The following ANKRD44 variants were observed in gnomAD, a reference collection of about 807,000 sequenced individuals.
The protein encoded by ANKRD44 is serine/threonine-protein phosphatase 6 regulatory ankyrin repeat subunit B.
Under a neutral mutation model 116.0 loss-of-function variants are expected in ANKRD44, and 35 were observed. The ratio of observed to expected loss-of-function variants is 0.30; its 90% CI spans 0.23 to 0.40. The LOEUF is 0.40. Among genes scored for constraint, ANKRD44 ranks in the 10% least tolerant of loss-of-function variants. The pLI, the probability that ANKRD44 is intolerant of heterozygous loss-of-function variation, is 1.00. For missense variants in ANKRD44, 1,014 were observed against 1,242.6 expected (o/e 0.82, Z 2.77); for synonymous variants, 435 against 461.8 (o/e 0.94, Z 0.74).
intron 1 of ANKRD44, among the ~76,000 whole-genome samples, chr2:197,187,908 C>T (rs1211714256): frequency 6.6e-6 from 1 of 151,918 alleles, no homozygotes; most frequent in African/African-American, 2.4e-5. Flanking sequence ...AAGACAGTTC[C>T]CTATGATTCC....
At chr2:197,120,031 C>T (rs955221471) in intron 8 of ANKRD44, among the ~76,000 whole-genome samples, 12 of 152,184 alleles carry the variant, frequency 7.9e-5, no homozygotes, top group African/African-American at 2.9e-4. Context: ...AACTCAACTA[C>T]ATTAATCTTC....
chr2:197,099,560 G>T (rs968651447), intron 10 of ANKRD44: 18 of 1,178,520 alleles, frequency 1.5e-5, no homozygotes, highest in Non-Finnish European at 1.9e-5. Flanking sequence ...GAAAAGTTAC[G>T]AATAAAGTTC....
Position 196,989,064 on chromosome 2 carries a change from A to G in ANKRD44, c.*527T>C. 1 of 985,366 alleles carries G rather than the reference A, an allele frequency of 1.0e-6. No homozygotes were observed. Among genetic ancestry groups the G allele is most frequent in the Non-Finnish European group, 1.2e-6 (1 of 829,970 alleles). 61.0% of individuals were successfully genotyped at this position (985,366 alleles called of 1,614,324 possible). On this transcript the variant is annotated 3_prime_UTR_variant, in exon 28 of 28. Coordinates refer to ENST00000282272, the MANE Select transcript of ANKRD44 (RefSeq NM_001195144.2). ...GGAAGAACCTGAGGGTCATCTGGAAACCTTAGCAGTGGAAATGCTAGGTTT... is the reference window on the plus strand; with the variant it reads ...GGAAGAACCTGAGGGTCATCTGGAAGCCTTAGCAGTGGAAATGCTAGGTTT...
At chr2:197,217,151 T>C (rs992524587) in intron 1 of ANKRD44, among the ~76,000 whole-genome samples, 6 of 152,290 alleles carry the variant, frequency 3.9e-5, no homozygotes, top group African/African-American at 1.4e-4. Flanking sequence ...TTTTTCATGG[T>C]CCAATGATCT....
intron 25 of ANKRD44, 131 bp from the exon 26 acceptor site, chr2:196,995,592 G>T: frequency 1.6e-6 from 1 of 633,476 alleles, no homozygotes; most frequent in South Asian, 2.4e-5. Flanking sequence ...GCTATTTTCT[G>T]AGTAATTTTT....
At chr2:197,043,753 A>T (rs944938182) in intron 16 of ANKRD44, among the ~76,000 whole-genome samples, 1 of 151,986 alleles carries the variant, frequency 6.6e-6, no homozygotes, top group Non-Finnish European at 1.5e-5. Context: ...GGTTGTCAAA[A>T]CTGGACCCTG....
At chr2:197,007,999 C>CTT (rs2076230988) in intron 19 of ANKRD44, 76 bp from the exon 20 acceptor site, 2 of 641,358 alleles carry the variant, frequency 3.1e-6, no homozygotes, top group East Asian at 6.7e-5. Context: ...GGAAGACATT[C>CTT]TCTTTCTCCC....
intron 26 of ANKRD44, among the ~76,000 whole-genome samples, chr2:196,994,154 C>T (rs1454132224): frequency 6.6e-6 from 1 of 152,122 alleles, no homozygotes; most frequent in Non-Finnish European, 1.5e-5. Flanking sequence ...ATGTCAAACT[C>T]AGTATATTGT....
chr2:197,016,874 C>T, intron 17 of ANKRD44, among the ~76,000 whole-genome samples: 1 of 151,966 alleles, frequency 6.6e-6, no homozygotes, highest in East Asian at 1.9e-4. Context: ...AGGCTCAGCA[C>T]AGACAAAAGA....
At chr2:197,168,993 T>C in intron 2 of ANKRD44, among the ~76,000 whole-genome samples, 1 of 152,156 alleles carries the variant, frequency 6.6e-6, no homozygotes, top group East Asian at 1.9e-4. Context: ...TCCAAAATAT[T>C]CTCCAGAACA....
At chr2:197,263,235 G>A in intron 1 of ANKRD44, 1 of 531,204 alleles carries the variant, frequency 1.9e-6, no homozygotes, top group Non-Finnish European at 3.5e-6. Flanking sequence ...GAGAACCTCA[G>A]CAGCTTGGTA....
chr2:197,037,108 G>A (rs2076822176), intron 16 of ANKRD44, among the ~76,000 whole-genome samples: 1 of 152,196 alleles, frequency 6.6e-6, no homozygotes, highest in Admixed American at 6.5e-5. Context: ...TATGGATAAG[G>A]AAACCTGAAG....
intron 10 of ANKRD44, among the ~76,000 whole-genome samples, chr2:197,098,940 G>T (rs757915435): frequency 6.6e-6 from 1 of 152,134 alleles, no homozygotes; most frequent in African/African-American, 2.4e-5. Flanking sequence ...CCCCTCGGTG[G>T]TGCACAGCAT....
intron 16 of ANKRD44, among the ~76,000 whole-genome samples, chr2:197,032,537 C>T (rs1190224397): frequency 2.0e-5 from 3 of 151,980 alleles, no homozygotes; most frequent in South Asian, 2.1e-4. Context: ...TACAGGCACC[C>T]GCCACCACGC....
chr2:197,065,243 C>A (rs11895908), intron 16 of ANKRD44, among the ~76,000 whole-genome samples: 10 of 152,168 alleles, frequency 6.6e-5, no homozygotes, highest in African/African-American at 2.2e-4. Context: ...TAAAGATGTT[C>A]TTTGAAACCA....
At chr2:197,180,459 T>A (rs2080476058) in intron 2 of ANKRD44, among the ~76,000 whole-genome samples, 1 of 152,196 alleles carries the variant, frequency 6.6e-6, no homozygotes, top group African/African-American at 2.4e-5. Context: ...TGCACTTCTA[T>A]CATTTATGGG....
At chr2:197,083,066 G>A (rs532862593) in intron 14 of ANKRD44, among the ~76,000 whole-genome samples, 20 of 152,320 alleles carry the variant, frequency 1.3e-4, no homozygotes, top group African/African-American at 4.6e-4. Flanking sequence ...AAGTGGTGAC[G>A]ATGAAAACTA....
intron 1 of ANKRD44, among the ~76,000 whole-genome samples, chr2:197,269,882 G>A (rs1377803803): frequency 6.6e-6 from 1 of 152,198 alleles, no homozygotes; most frequent in Non-Finnish European, 1.5e-5. Flanking sequence ...GAAGACTGAG[G>A]AGAGACATCT....
chr2:197,246,773 A>G lies in ANKRD44; in HGVS notation c.28-59667T>C, dbSNP rs148347011. Among the ~76,000 whole-genome samples the G allele has an allele frequency of 6.2e-3, 944 of 152,138 alleles. 22 individuals are homozygous for G. The highest frequency in any genetic ancestry group is 0.042 in the Admixed American group (644 of 15,286). ...ATTCCCTCATTTCATCCTCACTATA[A>G]CACTATGAGGTACGTACAATATTAT... On this transcript the variant is annotated intron_variant, in intron 1 of 27. Transcript: ENST00000282272.
Sources: gnomAD v4.1 joint callset for allele counts (sites outside exome capture counted in the v4.1 genomes callset) on GRCh38, gnomAD v4.1.1 for gene constraint, MANE v1.5 for transcripts, NCBI Gene and HGNC (gene_info 2026-07-23, HGNC 2026-07-21) for gene names.